Variants in NYX observed in about 807,000 individuals in gnomAD.
NYX encodes the protein leucine-rich repeat protein.
For missense variants in NYX, 481 were observed against 485.4 expected, an observed-to-expected ratio of 0.99 and a Z score of 0.09; for synonymous variants, 258 against 245.7, an observed-to-expected ratio of 1.05 and a Z score of -0.47.
rs544893103 is a variant in NYX, at chrX:41,460,174, T to C, written c.22+12248T>C. On this transcript the variant is annotated intron_variant, in intron 2 of 2. Coordinates refer to ENST00000378220, the MANE Select transcript of NYX (RefSeq NM_001378477.3). Reference sequence around the variant, plus strand: ...CCATGTAATATATTCTTTTTCTTTTTTTTTTTTTTTTGAGACAAGGTTTCA... The same window carrying C: ...CCATGTAATATATTCTTTTTCTTTTCTTTTTTTTTTTGAGACAAGGTTTCA... 8.3e-5 allele frequency among the ~76,000 whole-genome samples: 9 copies of C among 107,992 alleles called. No homozygotes were observed. The South Asian group carries it at 1.6e-3, about 19-fold the overall frequency. The allele number at this position is 107,992 out of a possible 115,157, so 93.8% of individuals were successfully genotyped here.
chrX:41,464,570 A>T (rs2064331723), intron 2 of NYX, among the ~76,000 whole-genome samples: 1 of 111,581 alleles, frequency 9.0e-6, no homozygotes, highest in African/African-American at 3.3e-5. Context: ...CATTCAGACC[A>T]TAACTGTGAT....
At chrX:41,461,320 C>T (rs943611352) in intron 2 of NYX, among the ~76,000 whole-genome samples, 4 of 108,595 alleles carry the variant, frequency 3.7e-5, no homozygotes, top group Admixed American at 1.0e-4. Flanking sequence ...AGTCTCCAGT[C>T]CCATCCAGGT....
intron 2 of NYX, among the ~76,000 whole-genome samples, chrX:41,463,020 C>CT (rs141776626): frequency 5.5e-5 from 6 of 108,749 alleles, no homozygotes; most frequent in Admixed American, 3.0e-4. Flanking sequence ...TTCTCTCTCT[C>CT]TTTTTTTTTG....
Position 41,450,685 on chromosome X carries a change from G to C in NYX, c.22+2759G>C, listed in dbSNP as rs893497348. On this transcript the variant is annotated intron_variant, in intron 2 of 2. Coordinates refer to ENST00000378220, the MANE Select transcript of NYX (RefSeq NM_001378477.3). The stretch of plus-strand genomic sequence containing the variant: ...TTTTGAGACAGGGTCTCACTCTGTC[G>C]ACCAGGCTGAAGTGCAGTGGTACTA... 3.0e-5 allele frequency among the ~76,000 whole-genome samples: 3 copies of C among 100,519 alleles called. No individual in the cohort carries two copies. In the Admixed American group the frequency reaches 3.4e-4, roughly 11 times the overall value. 87.3% of individuals were successfully genotyped at this position (100,519 alleles called of 115,157 possible).
intron 2 of NYX, among the ~76,000 whole-genome samples, chrX:41,450,828 A>ATTTT (rs745395959): frequency 2.9e-5 from 2 of 68,214 alleles, no homozygotes; most frequent in Non-Finnish European, 5.2e-5. Context: ...ATATATATAT[A>ATTTT]TTTTTTTTTT....
chrX:41,464,855 C>T (rs1314166520), intron 2 of NYX, among the ~76,000 whole-genome samples: 2 of 110,958 alleles, frequency 1.8e-5, no homozygotes, highest in Non-Finnish European at 3.8e-5. Context: ...GTCATTGAGG[C>T]TCTGATAATT....
chrX:41,475,149 G>A lies in NYX; in HGVS notation c.*250G>A. The A allele has an allele frequency of 2.4e-6, 1 of 420,949 alleles. No individual in the cohort carries two copies. The highest frequency in any genetic ancestry group is 4.0e-5 in the East Asian group (1 of 25,158). 34.7% of individuals were successfully genotyped at this position (420,949 alleles called of 1,213,427 possible). A position where few individuals can be genotyped will look rare whatever the true frequency, so the allele number is the denominator to read the frequency against. On this transcript the variant is annotated 3_prime_UTR_variant, in exon 3 of 3. Coordinates refer to ENST00000378220, the MANE Select transcript of NYX (RefSeq NM_001378477.3). ...AAGAATGAACGTGGGCCCTCGGGTG[G>A]GAAGACTAGGAATCGGAAGCTTCTA...
Position 41,474,925 on chromosome X carries a change from T to A in NYX, c.*26T>A. 8.7e-7 allele frequency: 1 copy of A among 1,143,098 alleles called. No individual in the cohort carries two copies. The highest frequency in any genetic ancestry group is 3.0e-5 in the East Asian group (1 of 33,038). 94.2% of individuals were successfully genotyped at this position (1,143,098 alleles called of 1,213,427 possible). ...CCTGGCCAGAGGGGGGAAAGTTTGC[T>A]TAACTGGGCTTGAGTGTGTTTGTGG... On this transcript the variant is annotated 3_prime_UTR_variant, in exon 3 of 3. Coordinates refer to ENST00000378220, the MANE Select transcript of NYX (RefSeq NM_001378477.3).
intron 2 of NYX, among the ~76,000 whole-genome samples, chrX:41,466,138 G>A (rs868505623): frequency 1.8e-5 from 2 of 111,976 alleles, no homozygotes; most frequent in East Asian, 5.7e-4. Flanking sequence ...ACTTGAAATT[G>A]CCCTGAGAGA....
intron 2 of NYX, among the ~76,000 whole-genome samples, chrX:41,449,790 G>T (rs1025627644): frequency 9.0e-6 from 1 of 111,633 alleles, no homozygotes; most frequent in Non-Finnish European, 1.9e-5. Flanking sequence ...GAGCTCAGCG[G>T]TGACATCATT....
chrX:41,462,993 G>A (rs968929504), intron 2 of NYX, among the ~76,000 whole-genome samples: 1 of 105,384 alleles, frequency 9.5e-6, no homozygotes, highest in Non-Finnish European at 2.0e-5. Flanking sequence ...TAATTTTATG[G>A]TTATTGCTTT....
At chrX:41,472,941 G>A (rs1602179766) in intron 2 of NYX, among the ~76,000 whole-genome samples, 1 of 111,580 alleles carries the variant, frequency 9.0e-6, no homozygotes, top group Non-Finnish European at 1.9e-5. Flanking sequence ...TGGGATTACA[G>A]GAGCCCGTCA....
intron 2 of NYX, among the ~76,000 whole-genome samples, chrX:41,465,481 GA>G (rs1340340267): frequency 2.8e-5 from 3 of 108,622 alleles, no homozygotes; most frequent in Non-Finnish European, 5.7e-5. Flanking sequence ...GGTTTCAGTG[GA>G]AAGCTCAAGG....
At chrX:41,464,647 A>G (rs917579916) in intron 2 of NYX, among the ~76,000 whole-genome samples, 22 of 100,483 alleles carry the variant, frequency 2.2e-4, no homozygotes, top group Non-Finnish European at 3.8e-4. Context: ...AGAATTTTCT[A>G]TCTTTGGCTA....
In NYX at chrX:41,447,879, C is replaced by T. The variant is rs370240640; in HGVS notation, c.-26C>T. On this transcript the variant is annotated 5_prime_UTR_variant, in exon 2 of 3. Coordinates refer to ENST00000378220, the MANE Select transcript of NYX (RefSeq NM_001378477.3). ...GGTCCCACGGCTGGGTGGTCCTAAG[C>T]CACTGGGTGGATGAAAGGCCGAGGG... 1.7e-6 allele frequency: 2 copies of T among 1,210,561 alleles called. No individual in the cohort carries two copies. Among genetic ancestry groups the T allele is most frequent in the East Asian group, 3.0e-5 (1 of 33,791 alleles).
chrX:41,466,024 T>C (rs1012117522), intron 2 of NYX, among the ~76,000 whole-genome samples: 2 of 111,610 alleles, frequency 1.8e-5, no homozygotes, highest in Non-Finnish European at 3.8e-5. Flanking sequence ...CCTTTTTCCA[T>C]GTTTTCCCTC....
At chrX:41,466,625 A>C (rs1410629406) in intron 2 of NYX, among the ~76,000 whole-genome samples, 10 of 103,894 alleles carry the variant, frequency 9.6e-5, no homozygotes, top group Non-Finnish European at 1.6e-4. Context: ...AATGGCGTGA[A>C]CCTGGCTCAC....
At chrX:41,466,598 A>G (rs1456979073) in intron 2 of NYX, among the ~76,000 whole-genome samples, 1 of 101,396 alleles carries the variant, frequency 9.9e-6, no homozygotes, top group African/African-American at 3.6e-5. Flanking sequence ...TCGCTCTTGT[A>G]GCCCAGGCTG....
intron 2 of NYX, 88 bp from the exon 3 acceptor site, chrX:41,473,403 A>AT: frequency 1.1e-6 from 1 of 878,419 alleles, no homozygotes; most frequent in South Asian, 5.4e-5. Context: ...GACAGGCAGG[A>AT]TTTTTCCTGG....
Sources: gnomAD v4.1 joint callset for allele counts (sites outside exome capture counted in the v4.1 genomes callset) on GRCh38, gnomAD v4.1.1 for gene constraint, MANE v1.5 for transcripts, NCBI Gene and HGNC (gene_info 2026-07-23, HGNC 2026-07-21) for gene names.